The following PTK7 variants were observed in gnomAD, a reference collection of about 807,000 sequenced individuals.
The protein encoded by PTK7 is inactive tyrosine-protein kinase 7.
Under a neutral mutation model 116.6 loss-of-function variants are expected in PTK7, and 39 were observed. The ratio of observed to expected loss-of-function variants is 0.33; its 90% CI spans 0.26 to 0.44. PTK7 has a LOEUF of 0.44. PTK7 is among the 20% of genes least tolerant of loss of function. PTK7 has a pLI of 1.00. For synonymous variants in PTK7, 546 were observed against 563.6 expected (o/e 0.97, Z 0.44); for missense variants, 1,169 against 1,425.6 (o/e 0.82, Z 2.90).
chr6:43,122,475 C>T (rs1408931019), intron 1 of PTK7, among the ~76,000 whole-genome samples: 1 of 152,202 alleles, frequency 6.6e-6, no homozygotes, highest in East Asian at 1.9e-4. Flanking sequence ...CACTGGGAAG[C>T]TGGCAAACCT....
rs1293389236 is a variant in PTK7, at chr6:43,157,364, A to ATTTTTT, written c.2722-1447_2722-1442dup. Among the ~76,000 whole-genome samples the ATTTTTT allele has an allele frequency of 5.3e-4, 29 of 54,314 alleles. 1 individual carries two copies. Among genetic ancestry groups the ATTTTTT allele is most frequent in the South Asian group, 2.4e-3 (3 of 1,254 alleles). The allele number at this position is 54,314 out of a possible 152,430, so 35.6% of individuals were successfully genotyped here. On this transcript the variant is annotated intron_variant, in intron 17 of 19. Transcript: ENST00000230419. Reference sequence around the variant, plus strand: ...TATATATATATATATATATATATATATTTTTTTTTTTCTTTTTTTTTTTTT... The same window carrying ATTTTTT: ...TATATATATATATATATATATATATATTTTTTTTTTTTTTTTTCTTTTTTTTTTTTT...
chr6:43,090,876 A>G (rs1029764463), intron 1 of PTK7, among the ~76,000 whole-genome samples: 1 of 152,090 alleles, frequency 6.6e-6, no homozygotes, highest in Non-Finnish European at 1.5e-5. Flanking sequence ...GGAGCTAGGG[A>G]AACCTGTTTT....
chr6:43,085,606 C>A (rs537552258), intron 1 of PTK7, among the ~76,000 whole-genome samples: 1 of 151,928 alleles, frequency 6.6e-6, no homozygotes, highest in South Asian at 2.1e-4. Flanking sequence ...AAAGGCTCAA[C>A]AAAGTCCCTC....
chr6:43,155,770 C>T (rs897795795), intron 17 of PTK7, among the ~76,000 whole-genome samples: 22 of 152,100 alleles, frequency 1.4e-4, no homozygotes, highest in African/African-American at 4.8e-4. Flanking sequence ...AACTCTTTCA[C>T]TTTGGAAAAG....
Position 43,145,306 on chromosome 6 carries a change from G to A in PTK7, c.2514G>A (p.Gln838=). ...LVKSLQSKDE[Q]QQLDFRRELE... Reference sequence around the variant, plus strand: ...AGAGCCTGCAGAGCAAGGATGAGCAGCAGCAGCTGGACTTCCGGAGGGAGT... The same window carrying A: ...AGAGCCTGCAGAGCAAGGATGAGCAACAGCAGCTGGACTTCCGGAGGGAGT... The change falls in exon 16 of 20, where the codon CAG becomes CAA. Residue 838 remains glutamine (Q), a synonymous_variant. Coordinates refer to ENST00000230419, the MANE Select transcript of PTK7 (RefSeq NM_002821.5). This position sits in a 1 kb window ranked among gnomAD's most constrained non-coding sequence, Gnocchi z 4.8. 1 of 1,614,062 alleles carries A rather than the reference G, an allele frequency of 6.2e-7. No homozygotes were observed. The highest frequency in any genetic ancestry group is 1.1e-5 in the South Asian group (1 of 91,076).
Position 43,132,035 on chromosome 6 carries a change from G to A in PTK7, c.832G>A (p.Ala278Thr). ...CTGCAGCCCCCCACACCTCCGCAGA[G>A]CCACAGTGTTTGCCAACGGGTCTCT... The part of the protein sequence containing the change: ...NRSRPPHLRR[A>T]TVFANGSLLL... Residue 278 changes from alanine (A) to threonine (T), a missense_variant, in exon 6 of 20, where the codon GCC (alanine) becomes ACC (threonine). Ala to Thr is a moderately conservative substitution (Grantham distance 58). Coordinates refer to ENST00000230419, the MANE Select transcript of PTK7 (RefSeq NM_002821.5). The A allele has an allele frequency of 6.2e-7, 1 of 1,614,064 alleles. No homozygotes were observed. Among genetic ancestry groups the A allele is most frequent in the Non-Finnish European group, 8.5e-7 (1 of 1,180,028 alleles).
rs966373258 is a variant in PTK7 at position 43,081,401 on chromosome 6, G to T, written c.79+4834G>T. On this transcript the variant is annotated intron_variant, in intron 1 of 19. Coordinates refer to ENST00000230419, the MANE Select transcript of PTK7 (RefSeq NM_002821.5). ...TATGTAGGTGGTTTTTTTGTTTGTT[G>T]TTTGTTTGTTTTTGTTTTTTTTGAA... Among the ~76,000 whole-genome samples, 3 of 152,036 alleles carry T rather than the reference G, an allele frequency of 2.0e-5. No homozygotes were observed. In the East Asian group the frequency reaches 5.8e-4, roughly 29 times the overall value.
Position 43,121,328 on chromosome 6 carries a change from G to A in PTK7, c.80-7649G>A, listed in dbSNP as rs368483378. 2.8e-4 allele frequency among the ~76,000 whole-genome samples: 43 copies of A among 152,290 alleles called. No individual in the cohort carries two copies. The East Asian group carries it at 5.6e-3, about 20-fold the overall frequency. ...GTTTTCACCGGAGATGTAAGAGCTG[G>A]CCTGCTAAATTGTTTCTGCCCCAGT... On this transcript the variant is annotated intron_variant, in intron 1 of 19. Coordinates refer to ENST00000230419, the MANE Select transcript of PTK7 (RefSeq NM_002821.5).
At position 43,132,217 on chromosome 6, in the gene PTK7, G is replaced by C. The variant is rs973825383; in HGVS notation, c.961+53G>C. On this transcript the variant is annotated intron_variant, in intron 6 of 19. Coordinates refer to ENST00000230419, the MANE Select transcript of PTK7 (RefSeq NM_002821.5). ...GTGGGAGGCTGCCTTTAACATTTTT[G>C]GCACATAGAGATTTAGGCTTCTGTT... is the stretch of plus-strand genomic sequence containing the variant. The C allele has an allele frequency of 6.2e-4, 960 of 1,551,004 alleles. 2 individuals carry two copies. Among genetic ancestry groups the C allele is most frequent in the Non-Finnish European group, 5.6e-4 (642 of 1,147,778 alleles).
In PTK7 at chr6:43,161,237, G is replaced by C. The variant is rs933998212; in HGVS notation, c.*356G>C. On this transcript the variant is annotated 3_prime_UTR_variant, in exon 20 of 20. Coordinates refer to ENST00000230419, the MANE Select transcript of PTK7 (RefSeq NM_002821.5). ...CACTCATCTGCCAACTTTGCCTGGG[G>C]AGGGCTAGGCTTGGGATGAGCTGGG... 1 of 243,212 alleles carries C rather than the reference G, an allele frequency of 4.1e-6. No homozygotes were observed. Among genetic ancestry groups the C allele is most frequent in the Non-Finnish European group, 8.1e-6 (1 of 123,550 alleles). The allele number at this position is 243,212 out of a possible 1,614,324, so 15.1% of individuals were successfully genotyped here. A position where few individuals can be genotyped will look rare whatever the true frequency, so the allele number is the denominator to read the frequency against.
At chr6:43,157,122 A>G (rs1582228822) in intron 17 of PTK7, among the ~76,000 whole-genome samples, 1 of 150,172 alleles carries the variant, frequency 6.7e-6, no homozygotes. Context: ...GAGGGAGAAC[A>G]TATGGTTGGG....
intron 1 of PTK7, among the ~76,000 whole-genome samples, chr6:43,102,915 C>G (rs1401076367): frequency 6.6e-6 from 1 of 152,160 alleles, no homozygotes; most frequent in Non-Finnish European, 1.5e-5. Flanking sequence ...GCTTGGACAA[C>G]TAAGCAAGAC....
intron 1 of PTK7, among the ~76,000 whole-genome samples, chr6:43,114,082 C>A (rs554188423): frequency 3.3e-5 from 5 of 152,244 alleles, no homozygotes; most frequent in African/African-American, 1.2e-4. Context: ...GGCAGGGTCC[C>A]CCTGCTAGAA....
intron 17 of PTK7, among the ~76,000 whole-genome samples, chr6:43,149,819 T>C (rs1297754511): frequency 1.3e-5 from 2 of 152,260 alleles, no homozygotes; most frequent in African/African-American, 4.8e-5. Flanking sequence ...TATTTATTTT[T>C]ATTTTTTGTA....
In PTK7 at chr6:43,143,503, G is replaced by T. The variant is rs1426286620; in HGVS notation, c.2134G>T (p.Ala712Ser). The T allele has an allele frequency of 3.7e-6, 6 of 1,613,942 alleles. No homozygotes were observed. The highest frequency in any genetic ancestry group is 5.1e-6 in the Non-Finnish European group (6 of 1,180,050). Reference protein sequence around the residue: ...IQTIGLSVGAAVAYIIAVLGL... With the variant: ...IQTIGLSVGASVAYIIAVLGL... ...GACCATTGGGTTGTCGGTGGGTGCC[G>T]CTGTGGCCTACATCATTGCCGTGCT... Residue 712 changes from alanine to serine, a missense_variant, in exon 14 of 20, where the codon GCT becomes TCT. By Grantham distance (99) the Ala-to-Ser change is moderately conservative. Coordinates refer to ENST00000230419, the MANE Select transcript of PTK7 (RefSeq NM_002821.5). This position sits in a 1 kb window ranked among gnomAD's most constrained non-coding sequence, Gnocchi z 4.2.
Position 43,129,848 on chromosome 6 carries a change from G to A in PTK7, c.470+19G>A. 6.2e-7 allele frequency: 1 copy of A among 1,608,578 alleles called. No individual in the cohort carries two copies. The highest frequency in any genetic ancestry group is 1.1e-5 in the South Asian group (1 of 90,922). On this transcript the variant is annotated intron_variant, in intron 3 of 19. Transcript: ENST00000230419. The surrounding 1 kb of genome is among the most constrained non-coding windows in gnomAD (Gnocchi z 4.5). ...ACCCTCGGTAAGGAGTCAGGGAGGT[G>A]GGGATGAAGAGGGTTATTCCGGACA... is the stretch of plus-strand genomic sequence containing the variant.
rs1244315637 is a variant in PTK7, at chr6:43,076,420, G to T, written c.-69G>T. ...CGCGCTCCGGTGCGCTCCGCCTCCT[G>T]TGCCCGCCGCGGAGCGCAGTCTGCG... On this transcript the variant is annotated 5_prime_UTR_variant, in exon 1 of 20. Transcript: ENST00000230419. This position sits in a 1 kb window ranked among gnomAD's most constrained non-coding sequence, Gnocchi z 5.7. The T allele has an allele frequency of 1.4e-5, 19 of 1,337,768 alleles. No homozygotes were observed. In the East Asian group the frequency reaches 1.5e-4, roughly 11 times the overall value. 82.9% of individuals were successfully genotyped at this position (1,337,768 alleles called of 1,614,324 possible). A position where few individuals can be genotyped will look rare whatever the true frequency, so the allele number is the denominator to read the frequency against.
intron 17 of PTK7, among the ~76,000 whole-genome samples, chr6:43,146,981 G>A (rs1411947060): frequency 6.6e-6 from 1 of 152,200 alleles, no homozygotes; most frequent in African/African-American, 2.4e-5. Flanking sequence ...AGCTACCCTC[G>A]GACCTTGCCT....
chr6:43,125,189 GAAAA>G (rs937319195), intron 1 of PTK7, among the ~76,000 whole-genome samples: 1 of 152,078 alleles, frequency 6.6e-6, no homozygotes, highest in African/African-American at 2.4e-5. Context: ...ACAAAAAAAA[GAAAA>G]AAGAAACATC....
Sources: allele counts gnomAD v4.1 joint callset (sites outside exome capture counted in the v4.1 genomes callset), GRCh38; gene constraint gnomAD v4.1.1; non-coding constraint Gnocchi (gnomAD v3.1); transcripts MANE v1.5; gene names NCBI Gene and HGNC (gene_info 2026-07-23, HGNC 2026-07-21).